The following CSMD1 variants were observed in gnomAD, a reference collection of about 807,000 sequenced individuals.
CSMD1 encodes CUB and sushi domain-containing protein 1.
A neutral mutation model predicts 417.5 loss-of-function variants in CSMD1; 213 were observed. The observed-to-expected ratio is 0.51, with a 90% CI of 0.46 to 0.57. The LOEUF (loss-of-function observed/expected upper bound fraction) is 0.57, where lower values mean the gene tolerates loss of function less well. Among genes scored for constraint, CSMD1 ranks in the 20% least tolerant of loss-of-function variants. CSMD1 has a pLI of 0.00. For synonymous variants in CSMD1, 2,862 were observed against 1,736.8 expected (o/e 1.65, Z -16.11); for missense variants, 6,923 against 4,529.7 (o/e 1.53, Z -15.17).
At chr8:3,824,803 C>A (rs1016380973) in intron 5 of CSMD1, among the ~76,000 whole-genome samples, 1 of 152,004 alleles carries the variant, frequency 6.6e-6, no homozygotes, top group Non-Finnish European at 1.5e-5. Flanking sequence ...AAGGTCTAAA[C>A]TGATGGATGA....
intron 10 of CSMD1, among the ~76,000 whole-genome samples, chr8:3,558,395 TTCTCCAATGATGAACGGTG>T (rs1799279492): frequency 2.4e-5 from 3 of 123,808 alleles, no homozygotes; most frequent in African/African-American, 5.5e-5. Flanking sequence ...CCGTGTCCAC[TTCTCCAATGATGAACGGTG>T]CCTCAATGGT....
intron 12 of CSMD1, among the ~76,000 whole-genome samples, chr8:3,448,417 A>AGGGAGGGAGAGAGAGAGGGAGGGAGG (rs1374620505): frequency 1.0e-5 from 1 of 96,990 alleles, no homozygotes; most frequent in Admixed American, 1.1e-4. Flanking sequence ...GAAGGAAGGA[A>AGGGAGGGAGAGAGAGAGGGAGGGAGG]GGGAAGGAAG....
intron 12 of CSMD1, among the ~76,000 whole-genome samples, chr8:3,459,918 G>A (rs1431410617): frequency 1.3e-5 from 2 of 152,118 alleles, no homozygotes; most frequent in Admixed American, 6.5e-5. Flanking sequence ...AGGGTTAAAT[G>A]GCCCATGATA....
intron 16 of CSMD1, among the ~76,000 whole-genome samples, chr8:3,398,252 G>C (rs1417911994): frequency 1.3e-5 from 2 of 152,148 alleles, no homozygotes; most frequent in African/African-American, 4.8e-5. Context: ...AAATTAGTAA[G>C]AAACCCAACG....
rs1802098276 is a variant in CSMD1 at position 2,944,681 on chromosome 8, T to C, written c.10403-2077A>G. ...TAGAACACAGTATGTGCTCAATATATATTTGCAAAATTAAAAAAAAAAGTT... is the reference window on the plus strand; with the variant it reads ...TAGAACACAGTATGTGCTCAATATACATTTGCAAAATTAAAAAAAAAAGTT... On this transcript the variant is annotated intron_variant, in intron 68 of 69. Transcript: ENST00000635120. Among the ~76,000 whole-genome samples the C allele has an allele frequency of 2.0e-5, 3 of 152,068 alleles. No individual in the cohort carries two copies. In the South Asian group the frequency reaches 6.2e-4, roughly 31 times the overall value.
intron 26 of CSMD1, among the ~76,000 whole-genome samples, chr8:3,243,190 A>T (rs1799656994): frequency 6.6e-6 from 1 of 152,084 alleles, no homozygotes; most frequent in Non-Finnish European, 1.5e-5. Context: ...AAAATTGGTG[A>T]GATGTTCCTT....
chr8:4,198,862 C>G (rs574600274), intron 3 of CSMD1, among the ~76,000 whole-genome samples: 1 of 152,076 alleles, frequency 6.6e-6, no homozygotes, highest in African/African-American at 2.4e-5. Flanking sequence ...AACAATATCA[C>G]GTATTTCCCC....
intron 1 of CSMD1, among the ~76,000 whole-genome samples, chr8:4,957,215 C>T (rs1376280793): frequency 1.3e-5 from 2 of 152,202 alleles, no homozygotes; most frequent in African/African-American, 2.4e-5. Context: ...GCAAACTGTT[C>T]TGCCTGGGAG....
At chr8:3,019,874 A>G (rs1199878454) in intron 51 of CSMD1, among the ~76,000 whole-genome samples, 1 of 152,240 alleles carries the variant, frequency 6.6e-6, no homozygotes, top group Non-Finnish European at 1.5e-5. Context: ...AGCCCAACCT[A>G]TCATCAGAGG....
intron 7 of CSMD1, among the ~76,000 whole-genome samples, chr8:3,694,557 G>C (rs1215276999): frequency 6.6e-6 from 1 of 152,088 alleles, no homozygotes; most frequent in African/African-American, 2.4e-5. Flanking sequence ...TTCAGGTTCA[G>C]TGGAAGGCCA....
chr8:4,478,095 A>C (rs1414326564), intron 2 of CSMD1, among the ~76,000 whole-genome samples: 2 of 152,156 alleles, frequency 1.3e-5, no homozygotes, highest in African/African-American at 4.8e-5. Context: ...TTATGGGGCC[A>C]TAAGACCTAC....
chr8:4,528,256 C>T (rs1291790869), intron 2 of CSMD1, among the ~76,000 whole-genome samples: 1 of 152,102 alleles, frequency 6.6e-6, no homozygotes, highest in Non-Finnish European at 1.5e-5. Context: ...AGGAGTAGCC[C>T]CACAAGTCCA....
intron 1 of CSMD1, among the ~76,000 whole-genome samples, chr8:4,696,314 A>T (rs1319717667): frequency 6.6e-6 from 1 of 152,218 alleles, no homozygotes; most frequent in East Asian, 1.9e-4. Flanking sequence ...TTTGGTAGCA[A>T]TAACTTTCAA....
At chr8:4,332,513 T>G (rs1382494126) in intron 3 of CSMD1, among the ~76,000 whole-genome samples, 2 of 151,350 alleles carry the variant, frequency 1.3e-5, no homozygotes, top group East Asian at 3.9e-4. Context: ...TGGTTTTTGC[T>G]TTTTTTCCCC....
intron 2 of CSMD1, among the ~76,000 whole-genome samples, chr8:4,448,944 A>G (rs1798972975): frequency 2.6e-5 from 4 of 152,198 alleles, no homozygotes. Context: ...ATAAATTACC[A>G]GTGTACCTGT....
chr8:4,926,878 T>C (rs1563786435), intron 1 of CSMD1, among the ~76,000 whole-genome samples: 1 of 152,130 alleles, frequency 6.6e-6, no homozygotes, highest in Non-Finnish European at 1.5e-5. Flanking sequence ...TCTTTCCAGA[T>C]TTTTTATATA....
chr8:3,898,598 G>C (rs1807520431), intron 5 of CSMD1, among the ~76,000 whole-genome samples: 1 of 152,274 alleles, frequency 6.6e-6, no homozygotes, highest in Non-Finnish European at 1.5e-5. Flanking sequence ...GATTTGCCTG[G>C]GGGCTGAATG....
intron 19 of CSMD1, 49 bp from the exon 20 acceptor site, chr8:3,367,296 G>GAGA: frequency 7.7e-7 from 1 of 1,299,630 alleles, no homozygotes; most frequent in Admixed American, 1.9e-5. Context: ...AGAGACACAC[G>GAGA]GGGCGGCGGG....
At chr8:4,440,754 G>C (rs1798420385) in intron 2 of CSMD1, among the ~76,000 whole-genome samples, 1 of 152,058 alleles carries the variant, frequency 6.6e-6, no homozygotes, top group Admixed American at 6.6e-5. Flanking sequence ...CCAGCATTTT[G>C]GGAGGCCAGT....
Sources: allele counts gnomAD v4.1 joint callset (sites outside exome capture counted in the v4.1 genomes callset), GRCh38; gene constraint gnomAD v4.1.1; transcripts MANE v1.5; gene names NCBI Gene and HGNC (gene_info 2026-07-23, HGNC 2026-07-21).